GSK3B: variants seen among roughly 807,000 people sequenced by gnomAD.
GSK3B encodes glycogen synthase kinase-3 beta.
A neutral mutation model predicts 56.4 loss-of-function variants in GSK3B; 15 were observed. That is an observed-to-expected ratio of 0.27 (90% CI 0.18 to 0.41). The LOEUF (loss-of-function observed/expected upper bound fraction) is 0.41, where lower values mean the gene tolerates loss of function less well. Among genes scored for constraint, GSK3B ranks in the 10% least tolerant of loss-of-function variants. GSK3B has a pLI of 1.00. For synonymous variants in GSK3B, 181 were observed against 188.9 expected (o/e 0.96, Z 0.34); for missense variants, 300 against 513.4 (o/e 0.58, Z 4.02).
chr3:120,076,568 C>G (rs1326197404), intron 1 of GSK3B, among the ~76,000 whole-genome samples: 2 of 152,176 alleles, frequency 1.3e-5, no homozygotes, highest in African/African-American at 2.4e-5. Context: ...GTAATCCCAG[C>G]ACTTTGGGAG....
chr3:119,919,921 A>T (rs1333181117), intron 4 of GSK3B, among the ~76,000 whole-genome samples: 1 of 152,168 alleles, frequency 6.6e-6, no homozygotes, highest in Non-Finnish European at 1.5e-5. Flanking sequence ...AAAGAGAAAA[A>T]TGTGTACCTT....
At chr3:119,976,765 C>CAAAAAAAAAA (rs563133631) in intron 2 of GSK3B, among the ~76,000 whole-genome samples, 3 of 83,104 alleles carry the variant, frequency 3.6e-5, no homozygotes, top group Non-Finnish European at 8.4e-5. Context: ...CCACTCCCCA[C>CAAAAAAAAAA]AAAAAAAAAA....
At chr3:119,880,218 C>A (rs2056364730) in intron 7 of GSK3B, among the ~76,000 whole-genome samples, 2 of 152,176 alleles carry the variant, frequency 1.3e-5, no homozygotes, top group South Asian at 4.1e-4. Context: ...CTCTGATGAT[C>A]AATGATGTTG....
chr3:119,942,356 T>C (rs915091344), intron 3 of GSK3B, among the ~76,000 whole-genome samples: 2 of 152,266 alleles, frequency 1.3e-5, no homozygotes, highest in Middle Eastern at 3.4e-3. Flanking sequence ...TGGAGTACAA[T>C]GGGGCAATCT....
At chr3:119,907,257 T>C (rs1437288211) in intron 6 of GSK3B, among the ~76,000 whole-genome samples, 2 of 152,104 alleles carry the variant, frequency 1.3e-5, no homozygotes, top group Non-Finnish European at 2.9e-5. Flanking sequence ...TCATCTCAGA[T>C]ACAAGGCTGA....
chr3:119,959,510 T>G (rs1176353967), intron 2 of GSK3B, among the ~76,000 whole-genome samples: 1 of 135,160 alleles, frequency 7.4e-6, no homozygotes, highest in Admixed American at 7.2e-5. Context: ...CTCTGACTTT[T>G]TTTTTTTTTT....
Position 120,093,413 on chromosome 3 carries a change from T to C in GSK3B, c.22A>G (p.Thr8Ala). Residue 8 changes from threonine to alanine, a missense_variant, in exon 1 of 11, where the codon ACC (threonine) becomes GCC (alanine). Around this residue, in one of 6 missense-constraint regions of GSK3B, gnomAD observed 53 missense variants for 64.6 expected, o/e 0.82. Transcript: ENST00000264235. MSGRPRT[T>A]SFAESCKPVQ... is the part of the protein sequence containing the mutation. Reference sequence around the variant, plus strand: ...GGCTTGCAGCTCTCCGCAAAGGAGGTGGTTCTGGGCCGCCCTGACATGATC... The same window carrying C: ...GGCTTGCAGCTCTCCGCAAAGGAGGCGGTTCTGGGCCGCCCTGACATGATC... The C allele has an allele frequency of 6.2e-7, 1 of 1,613,142 alleles. No homozygotes were observed. Among genetic ancestry groups the C allele is most frequent in the Non-Finnish European group, 8.5e-7 (1 of 1,179,318 alleles).
chr3:119,861,387 T>C (rs377582953), intron 9 of GSK3B, among the ~76,000 whole-genome samples: 48 of 151,990 alleles, frequency 3.2e-4, no homozygotes, highest in African/African-American at 1.1e-3. Context: ...GGCAGGAGCC[T>C]GTAATCCCAG....
At chr3:119,955,866 T>G (rs539143996) in intron 2 of GSK3B, among the ~76,000 whole-genome samples, 35 of 152,282 alleles carry the variant, frequency 2.3e-4, no homozygotes, top group African/African-American at 8.2e-4. Flanking sequence ...TTGGCCAGGC[T>G]GGTCTCGAAC....
At chr3:119,931,692 T>C (rs2056947413) in intron 3 of GSK3B, among the ~76,000 whole-genome samples, 1 of 152,030 alleles carries the variant, frequency 6.6e-6, no homozygotes, top group African/African-American at 2.4e-5. Context: ...ACAGTATCAT[T>C]TGGGAGGCAG....
At chr3:119,850,261 T>C (rs2055911737) in intron 9 of GSK3B, among the ~76,000 whole-genome samples, 1 of 152,088 alleles carries the variant, frequency 6.6e-6, no homozygotes, top group Non-Finnish European at 1.5e-5. Flanking sequence ...GGGTACTTTG[T>C]GAACCTTTTT....
At chr3:119,854,199 T>C (rs535773613) in intron 9 of GSK3B, among the ~76,000 whole-genome samples, 13 of 152,230 alleles carry the variant, frequency 8.5e-5, no homozygotes, top group African/African-American at 3.1e-4. Flanking sequence ...GTCTTTGGTT[T>C]TGTTTATATG....
intron 2 of GSK3B, among the ~76,000 whole-genome samples, chr3:119,958,949 T>C (rs2057243033): frequency 6.6e-6 from 1 of 152,156 alleles, no homozygotes; most frequent in Non-Finnish European, 1.5e-5. Context: ...CATCAGCCTA[T>C]ATATCCCCTG....
chr3:119,899,462 T>C (rs1011414668), intron 7 of GSK3B, among the ~76,000 whole-genome samples: 1 of 152,116 alleles, frequency 6.6e-6, no homozygotes, highest in Admixed American at 6.6e-5. Context: ...CTTAACCCAG[T>C]GCCTGGCACA....
At chr3:120,072,472 A>C (rs1442795013) in intron 1 of GSK3B, among the ~76,000 whole-genome samples, 1 of 152,114 alleles carries the variant, frequency 6.6e-6, no homozygotes, top group Non-Finnish European at 1.5e-5. Context: ...CTGTAATCCC[A>C]ACTACTCGAG....
intron 1 of GSK3B, among the ~76,000 whole-genome samples, chr3:120,006,346 A>T (rs1411111194): frequency 1.3e-5 from 2 of 152,138 alleles, no homozygotes; most frequent in African/African-American, 4.8e-5. Context: ...TCAATATTAG[A>T]CAGATCAAGG....
intron 2 of GSK3B, among the ~76,000 whole-genome samples, chr3:119,948,712 G>A (rs914425788): frequency 6.6e-6 from 1 of 152,134 alleles, no homozygotes; most frequent in Admixed American, 6.5e-5. Flanking sequence ...TTGTTTGTTT[G>A]TTTGAGACAG....
intron 1 of GSK3B, among the ~76,000 whole-genome samples, chr3:120,079,341 CACACACACAT>C (rs1250769774): frequency 5.6e-4 from 75 of 134,752 alleles, no homozygotes; most frequent in African/African-American, 2.1e-3. Context: ...CACACACACA[CACACACACAT>C]TTTTTTTTTT....
At chr3:120,043,612 C>A (rs1055231716) in intron 1 of GSK3B, among the ~76,000 whole-genome samples, 2 of 152,160 alleles carry the variant, frequency 1.3e-5, no homozygotes, top group Non-Finnish European at 2.9e-5. Context: ...TCTGGACTAC[C>A]AGAGATCCGG....
Sources: gnomAD v4.1 joint callset for allele counts (sites outside exome capture counted in the v4.1 genomes callset) on GRCh38, gnomAD v4.1.1 for gene constraint, gnomAD v4.1.1 regional missense constraint, MANE v1.5 for transcripts, NCBI Gene and HGNC (gene_info 2026-07-23, HGNC 2026-07-21) for gene names.